The following ITGA8 variants were observed in gnomAD, a reference collection of about 807,000 sequenced individuals.
ITGA8 encodes integrin subunit alpha 8.
Under a neutral mutation model 142.3 loss-of-function variants are expected in ITGA8, and 91 were observed. That is an observed-to-expected ratio of 0.64 (90% CI 0.54 to 0.76). ITGA8 has a LOEUF of 0.76. Ranked by LOEUF, ITGA8 falls within the 30% of genes least tolerant of loss-of-function variation. The pLI is 0.00. For missense variants in ITGA8, 1,406 were observed against 1,327.7 expected, an observed-to-expected ratio of 1.06 and a Z score of -0.92; for synonymous variants, 505 against 485.2, an observed-to-expected ratio of 1.04 and a Z score of -0.54.
intron 4 of ITGA8, among the ~76,000 whole-genome samples, chr10:15,681,849 G>C (rs1299179125): frequency 6.6e-6 from 1 of 152,172 alleles, no homozygotes; most frequent in Non-Finnish European, 1.5e-5. Flanking sequence ...ATATGGACAG[G>C]TGTAAATATT....
At chr10:15,551,568 T>C (rs1258554378) in intron 26 of ITGA8, among the ~76,000 whole-genome samples, 1 of 152,016 alleles carries the variant, frequency 6.6e-6, no homozygotes, top group Non-Finnish European at 1.5e-5. Flanking sequence ...GGGCCCACTA[T>C]GAGAAAGGGA....
chr10:15,668,721 AC>A (rs951252548), intron 8 of ITGA8, among the ~76,000 whole-genome samples: 8 of 152,174 alleles, frequency 5.3e-5, no homozygotes, highest in Non-Finnish European at 1.0e-4. Flanking sequence ...CCTGGTGGTG[AC>A]AAAATCTCTC....
chr10:15,699,253 T>C (rs954474688), intron 2 of ITGA8, among the ~76,000 whole-genome samples: 1 of 152,164 alleles, frequency 6.6e-6, no homozygotes, highest in Non-Finnish European at 1.5e-5. Context: ...CACTGTACTC[T>C]AGCCTGGGAG....
At chr10:15,560,470 A>G (rs534058517) in intron 25 of ITGA8, among the ~76,000 whole-genome samples, 1 of 152,220 alleles carries the variant, frequency 6.6e-6, no homozygotes, top group East Asian at 1.9e-4. Flanking sequence ...CTGAGAGACA[A>G]GATGAGCCTT....
chr10:15,718,848 G>A lies in ITGA8; in HGVS notation c.261C>T (p.Ile87=), dbSNP rs150574425. 3.1e-6 allele frequency: 5 copies of A among 1,614,020 alleles called. No individual in the cohort carries two copies. The highest frequency in any genetic ancestry group is 4.2e-6 in the Non-Finnish European group (5 of 1,180,040). ...APKANTSQPD[I]VEGGAVYYCP... ...AGTAATAGACGGCTCCCCCTTCCAC[G>A]ATATCGGGCTGGCTGGTGTTGGCTT... Residue 87 remains isoleucine, a synonymous_variant, in exon 2 of 30, where the codon ATC becomes ATT. Transcript: ENST00000378076.
At chr10:15,623,062 C>T (rs1016860565) in intron 13 of ITGA8, among the ~76,000 whole-genome samples, 5 of 152,068 alleles carry the variant, frequency 3.3e-5, no homozygotes, top group South Asian at 2.1e-4. Context: ...CTATGTGTAC[C>T]GCTGACCTAG....
chr10:15,670,893 C>T (rs764614278), intron 8 of ITGA8, among the ~76,000 whole-genome samples: 3 of 152,186 alleles, frequency 2.0e-5, no homozygotes, highest in African/African-American at 7.2e-5. Context: ...TCAACACCCG[C>T]ATTTTCTACA....
intron 6 of ITGA8, among the ~76,000 whole-genome samples, chr10:15,673,803 G>A (rs141284313): frequency 5.2e-4 from 78 of 149,284 alleles, no homozygotes; most frequent in African/African-American, 1.9e-3. Flanking sequence ...CAACATTGAC[G>A]TGATAAGAAC....
At position 15,569,260 on chromosome 10, in the gene ITGA8, C is replaced by T. The variant is rs571531837; in HGVS notation, c.2637+2951G>A. Among the ~76,000 whole-genome samples, 13 of 152,270 alleles carry T rather than the reference C, an allele frequency of 8.5e-5. No homozygotes were observed. In the South Asian group the frequency reaches 2.7e-3, roughly 32 times the overall value. ...CTTTAGAAAGCTGGGGAGAGAGCGCCTCTCTTACAGGCCCACGGTGGCCTG... is the reference window on the plus strand; with the variant it reads ...CTTTAGAAAGCTGGGGAGAGAGCGCTTCTCTTACAGGCCCACGGTGGCCTG... On this transcript the variant is annotated intron_variant, in intron 25 of 29. Coordinates refer to ENST00000378076, the MANE Select transcript of ITGA8 (RefSeq NM_003638.3).
intron 2 of ITGA8, among the ~76,000 whole-genome samples, chr10:15,707,991 CA>C (rs1439764123): frequency 2.0e-5 from 3 of 151,636 alleles, no homozygotes; most frequent in Admixed American, 1.3e-4. Flanking sequence ...CACACACACA[CA>C]CACACCATTC....
chr10:15,537,312 G>C (rs1376688), intron 27 of ITGA8, among the ~76,000 whole-genome samples: 30,120 of 152,066 alleles, frequency 0.2, 4,031 homozygotes, highest in African/African-American at 0.38. Flanking sequence ...TCCTCTTTAG[G>C]ATTTGGCACC....
At position 15,672,741 on chromosome 10, in the gene ITGA8, T is replaced by C. The variant is rs1834549435; in HGVS notation, c.685A>G (p.Ile229Val). The change falls in exon 7 of 30, where the codon ATC (isoleucine) becomes GTC (valine). Residue 229 changes from isoleucine (I) to valine (V), a missense_variant. Coordinates refer to ENST00000378076, the MANE Select transcript of ITGA8 (RefSeq NM_003638.3). ...PGSFYWQGQV[I>V]TASVADIIAN... Reference sequence around the variant, plus strand: ...ATGATATCTGCAACACTGGCAGTGATCACTTGTCCTGTGTTTAAACAAATT... The same window carrying C: ...ATGATATCTGCAACACTGGCAGTGACCACTTGTCCTGTGTTTAAACAAATT... The C allele has an allele frequency of 6.2e-7, 1 of 1,608,560 alleles. No individual in the cohort carries two copies. The highest frequency in any genetic ancestry group is 1.7e-5 in the Admixed American group (1 of 58,960).
At chr10:15,604,456 T>C (rs1588669916) in intron 19 of ITGA8, 101 bp from the exon 20 acceptor site, 1 of 932,084 alleles carries the variant, frequency 1.1e-6, no homozygotes, top group Middle Eastern at 2.8e-4. Context: ...AAATGGCAAG[T>C]GCAAAAAAAG....
intron 13 of ITGA8, among the ~76,000 whole-genome samples, chr10:15,624,089 A>G (rs1051763776): frequency 3.3e-5 from 5 of 152,160 alleles, no homozygotes; most frequent in African/African-American, 9.7e-5. Context: ...TGGCTTAGGG[A>G]ACCCTGAGGT....
intron 26 of ITGA8, among the ~76,000 whole-genome samples, chr10:15,557,107 A>C (rs4750673): frequency 6.6e-6 from 1 of 152,052 alleles, no homozygotes. Context: ...CTGACCGGGC[A>C]TGGTGGCTCA....
chr10:15,613,524 T>G (rs1833338390), intron 15 of ITGA8, 136 bp downstream of exon 15: 1 of 698,836 alleles, frequency 1.4e-6, no homozygotes. Flanking sequence ...AGCAGCAGCA[T>G]CTCTTGAAGC....
chr10:15,561,280 A>G (rs1421299921), intron 25 of ITGA8, among the ~76,000 whole-genome samples: 1 of 148,062 alleles, frequency 6.8e-6, no homozygotes, highest in Non-Finnish European at 1.5e-5. Flanking sequence ...ATGGATGTGG[A>G]AAAATAAGTT....
intron 19 of ITGA8, 147 bp from the exon 20 acceptor site, chr10:15,604,502 C>A: frequency 1.6e-5 from 7 of 435,952 alleles, no homozygotes; most frequent in South Asian, 4.0e-5. Context: ...TAGGAAGAGG[C>A]AAGAGAATCA....
In ITGA8 at chr10:15,674,826, G is replaced by A. The variant is rs147338935; in HGVS notation, c.677-2077C>T. 1.1e-3 allele frequency among the ~76,000 whole-genome samples: 173 copies of A among 152,042 alleles called. 1 individual carries two copies. The highest frequency in any genetic ancestry group is 3.3e-3 in the African/African-American group (137 of 41,464). The stretch of plus-strand genomic sequence containing the variant: ...GTGGTGGCATGCAACTTTAGTCCCA[G>A]CTACTCAGGAGGCAGAGGCAGGAGA... On this transcript the variant is annotated intron_variant, in intron 6 of 29. Coordinates refer to ENST00000378076, the MANE Select transcript of ITGA8 (RefSeq NM_003638.3).
Sources: allele counts gnomAD v4.1 joint callset (sites outside exome capture counted in the v4.1 genomes callset), GRCh38; gene constraint gnomAD v4.1.1; transcripts MANE v1.5; gene names NCBI Gene and HGNC (gene_info 2026-07-23, HGNC 2026-07-21).